BANP: variants seen among roughly 807,000 people sequenced by gnomAD.
BANP encodes BTG3 associated nuclear protein.
BANP carries 11 observed loss-of-function variants against 68.1 expected under a neutral mutation model. The ratio of observed to expected loss-of-function variants is 0.16; its 90% CI spans 0.10 to 0.27. BANP has a LOEUF of 0.27. Among genes scored for constraint, BANP ranks in the 10% least tolerant of loss-of-function variants. The pLI, the probability that BANP is intolerant of heterozygous loss-of-function variation, is 1.00. For synonymous variants in BANP, 329 were observed against 303.2 expected, an observed-to-expected ratio of 1.09 and a Z score of -0.88; for missense variants, 504 against 722.7, an observed-to-expected ratio of 0.70 and a Z score of 3.47.
At chr16:87,953,976 A>G in intron 1 of BANP, among the ~76,000 whole-genome samples, 1 of 152,034 alleles carries the variant, frequency 6.6e-6, no homozygotes, top group Admixed American at 6.5e-5. Context: ...TTTGGTGTTA[A>G]TGATGTTTTA....
chr16:88,065,123 T>A (rs980924295), intron 11 of BANP, 144 bp from the exon 12 acceptor site: 12 of 523,970 alleles, frequency 2.3e-5, no homozygotes, highest in Non-Finnish European at 3.7e-5. Flanking sequence ...TGGAGGCTCC[T>A]GTGGCTGCCA....
chr16:87,953,537 T>G (rs2057412268), intron 1 of BANP, among the ~76,000 whole-genome samples: 1 of 152,176 alleles, frequency 6.6e-6, no homozygotes. Flanking sequence ...GCCTTGTCTT[T>G]CTATTACGAT....
intron 2 of BANP, chr16:87,980,767 T>C (rs2063106465): frequency 2.3e-6 from 1 of 431,956 alleles, no homozygotes; most frequent in East Asian, 4.6e-5. Flanking sequence ...CCGCAGAGCA[T>C]GGAGTCAGAA....
At chr16:88,035,228 A>G (rs1227606144) in intron 9 of BANP, 95 bp from the exon 10 acceptor site, 1 of 1,141,856 alleles carries the variant, frequency 8.8e-7, no homozygotes, top group Non-Finnish European at 1.3e-6. Flanking sequence ...TGAATTGTAA[A>G]CAGATAATCA....
At chr16:88,067,557 A>G (rs1051349704) in intron 12 of BANP, among the ~76,000 whole-genome samples, 2 of 152,074 alleles carry the variant, frequency 1.3e-5, no homozygotes, top group African/African-American at 4.8e-5. Flanking sequence ...CTTTATGGGT[A>G]TTTTATGCCA....
At chr16:88,041,237 C>T (rs1167351642) in intron 11 of BANP, among the ~76,000 whole-genome samples, 7 of 152,282 alleles carry the variant, frequency 4.6e-5, no homozygotes, top group East Asian at 3.9e-4. Flanking sequence ...CTTAGTTCCA[C>T]GGAGGGAGGG....
chr16:87,991,349 A>C (rs1488639700), intron 4 of BANP, among the ~76,000 whole-genome samples: 1 of 152,266 alleles, frequency 6.6e-6, no homozygotes, highest in African/African-American at 2.4e-5. Context: ...ACAATCTAAT[A>C]ACCAAACTAA....
intron 1 of BANP, among the ~76,000 whole-genome samples, chr16:87,969,068 G>A (rs914353635): frequency 1.3e-5 from 2 of 152,014 alleles, no homozygotes; most frequent in Admixed American, 6.5e-5. Context: ...CACTGCCCTC[G>A]TCCACACTGC....
At chr16:87,980,923 C>T (rs1462186398) in intron 2 of BANP, 113 bp from the exon 3 acceptor site, 2 of 705,122 alleles carry the variant, frequency 2.8e-6, no homozygotes, top group Non-Finnish European at 5.0e-6. Flanking sequence ...GAGATAGGTT[C>T]TGCTGTTTCT....
chr16:88,045,075 A>T (rs1268664596), intron 11 of BANP, among the ~76,000 whole-genome samples: 1 of 152,230 alleles, frequency 6.6e-6, no homozygotes, highest in African/African-American at 2.4e-5. Context: ...TTGTTCTTGA[A>T]TTGGGAAGCT....
At chr16:88,049,451 A>T (rs1211790356) in intron 11 of BANP, among the ~76,000 whole-genome samples, 2 of 152,026 alleles carry the variant, frequency 1.3e-5, no homozygotes, top group African/African-American at 2.4e-5. Context: ...AGCTCACTGA[A>T]CCTGCCCTCT....
chr16:88,026,947 G>C (rs1478159428), intron 7 of BANP, among the ~76,000 whole-genome samples: 1 of 152,240 alleles, frequency 6.6e-6, no homozygotes, highest in African/African-American at 2.4e-5. Context: ...AGGAGGGTGG[G>C]AGCCCAGGAG....
chr16:87,977,415 T>A (rs1474296653), intron 2 of BANP, among the ~76,000 whole-genome samples: 1 of 96,920 alleles, frequency 1.0e-5, no homozygotes, highest in African/African-American at 3.2e-5. Flanking sequence ...CGAGACTCCG[T>A]CTCAAAAAAA....
chr16:87,994,950 T>A lies in BANP; in HGVS notation c.363-9345T>A, dbSNP rs113460945. On this transcript the variant is annotated intron_variant, in intron 4 of 13. Transcript: ENST00000682872. ...GGCTGCATCTTGCTTATGTTCAGGG[T>A]GCAGTGTGGGCGATTCTGGTCCTCC... Among the ~76,000 whole-genome samples the A allele has an allele frequency of 2.1e-4, 32 of 152,284 alleles. 1 individual carries two copies. The highest frequency in any genetic ancestry group is 7.5e-4 in the African/African-American group (31 of 41,560).
At chr16:88,034,949 T>G in intron 9 of BANP, 1 of 177,812 alleles carries the variant, frequency 5.6e-6, no homozygotes, top group South Asian at 1.4e-4. Context: ...AGTAGTAGCA[T>G]GATGAAGTCT....
chr16:87,965,797 C>A (rs761938926), intron 1 of BANP, among the ~76,000 whole-genome samples: 38 of 152,166 alleles, frequency 2.5e-4, no homozygotes, highest in Non-Finnish European at 4.6e-4. Context: ...GTTGGCCTTG[C>A]CTGTAGACAC....
chr16:88,049,481 C>CCT (rs1191656525), intron 11 of BANP, among the ~76,000 whole-genome samples: 2 of 152,010 alleles, frequency 1.3e-5, no homozygotes, highest in Non-Finnish European at 2.9e-5. Context: ...ATGGAAACTT[C>CCT]GTGACATTAG....
intron 6 of BANP, among the ~76,000 whole-genome samples, chr16:88,009,682 T>A (rs1384653811): frequency 6.6e-6 from 1 of 152,146 alleles, no homozygotes; most frequent in Non-Finnish European, 1.5e-5. Context: ...CATGGAACAG[T>A]AGACTGTGTC....
intron 8 of BANP, among the ~76,000 whole-genome samples, chr16:88,028,830 A>C (rs1413948101): frequency 6.6e-6 from 1 of 152,188 alleles, no homozygotes; most frequent in Non-Finnish European, 1.5e-5. Context: ...ATGGCATGAT[A>C]CCATTTTTAT....
Sources: gnomAD v4.1 joint callset for allele counts (sites outside exome capture counted in the v4.1 genomes callset) on GRCh38, gnomAD v4.1.1 for gene constraint, MANE v1.5 for transcripts, NCBI Gene and HGNC (gene_info 2026-07-23, HGNC 2026-07-21) for gene names.